NAV3: variants seen among roughly 807,000 people sequenced by gnomAD.
NAV3 encodes neuron navigator 3.
In NAV3, 87 loss-of-function variants were observed where a neutral mutation model predicts 244.7. The ratio of observed to expected loss-of-function variants is 0.36; its 90% CI spans 0.30 to 0.42. The LOEUF (loss-of-function observed/expected upper bound fraction) is 0.42. Ranked by LOEUF, NAV3 falls within the 20% of genes least tolerant of loss-of-function variation. NAV3 has a pLI of 1.00. For synonymous variants in NAV3, 1,126 were observed against 1,042.2 expected (o/e 1.08, Z -1.55); for missense variants, 2,663 against 2,893.3 (o/e 0.92, Z 1.83).
At chr12:78,047,147 G>A (rs999683727) in intron 9 of NAV3, among the ~76,000 whole-genome samples, 2 of 151,908 alleles carry the variant, frequency 1.3e-5, no homozygotes, top group African/African-American at 2.4e-5. Context: ...AGCTTATGAA[G>A]CTTAGTTTGG....
intron 34 of NAV3, among the ~76,000 whole-genome samples, chr12:78,196,922 A>G (rs1172200540): frequency 6.6e-6 from 1 of 151,998 alleles, no homozygotes; most frequent in Non-Finnish European, 1.5e-5. Context: ...ATAAGAGTTC[A>G]TATCCAGAAC....
intron 2 of NAV3, among the ~76,000 whole-genome samples, chr12:77,580,757 C>T (rs1309915917): frequency 2.0e-5 from 3 of 152,092 alleles, no homozygotes; most frequent in African/African-American, 7.2e-5. Flanking sequence ...TTTATCTTTA[C>T]CATTTCCAAA....
chr12:77,994,953 T>A, intron 6 of NAV3, 82 bp downstream of exon 6: 1 of 1,007,368 alleles, frequency 9.9e-7, no homozygotes, highest in South Asian at 1.5e-5. Flanking sequence ...TCTTTTTTTT[T>A]TAATGATGCA....
intron 12 of NAV3, among the ~76,000 whole-genome samples, chr12:78,063,817 T>C (rs906334188): frequency 6.6e-6 from 1 of 152,064 alleles, no homozygotes; most frequent in African/African-American, 2.4e-5. Flanking sequence ...ATAGAAGAGT[T>C]TGGTGTGAGG....
chr12:78,169,500 A>T (rs1957916073), intron 24 of NAV3, among the ~76,000 whole-genome samples: 1 of 151,554 alleles, frequency 6.6e-6, no homozygotes, highest in Non-Finnish European at 1.5e-5. Flanking sequence ...ATATCGTGTC[A>T]TTTTTTTCCT....
intron 1 of NAV3, among the ~76,000 whole-genome samples, chr12:77,934,001 G>C (rs1889078646): frequency 6.6e-6 from 1 of 152,068 alleles, no homozygotes; most frequent in African/African-American, 2.4e-5. Flanking sequence ...CTCTTTCTCT[G>C]TATAGTAGGA....
chr12:77,761,868 G>C (rs1209854454), intron 2 of NAV3, among the ~76,000 whole-genome samples: 1 of 152,194 alleles, frequency 6.6e-6, no homozygotes, highest in African/African-American at 2.4e-5. Flanking sequence ...AGACAGGATG[G>C]TGATTCCTCA....
At chr12:77,769,516 C>G (rs7313902) in intron 2 of NAV3, among the ~76,000 whole-genome samples, 143,676 of 152,292 alleles carry the variant, frequency 0.94, 68,379 homozygotes, top group East Asian at 1. Context: ...TAAGCTTTCT[C>G]TATACATTTT....
At chr12:78,034,728 C>T (rs1231791618) in intron 9 of NAV3, among the ~76,000 whole-genome samples, 1 of 152,040 alleles carries the variant, frequency 6.6e-6, no homozygotes, top group Non-Finnish European at 1.5e-5. Context: ...ACTATGGTCT[C>T]AGGACTTGGA....
At chr12:77,595,899 A>G (rs1870145756) in intron 2 of NAV3, among the ~76,000 whole-genome samples, 1 of 152,218 alleles carries the variant, frequency 6.6e-6, no homozygotes, top group South Asian at 2.1e-4. Context: ...GTTCTAATTA[A>G]ATCTATGACT....
At chr12:77,855,611 T>G (rs1375440369) in intron 1 of NAV3, among the ~76,000 whole-genome samples, 1 of 152,216 alleles carries the variant, frequency 6.6e-6, no homozygotes, top group Non-Finnish European at 1.5e-5. Context: ...CTTTGAGCAA[T>G]AGAATGCAGT....
intron 22 of NAV3, among the ~76,000 whole-genome samples, chr12:78,155,269 T>C (rs1957258328): frequency 6.6e-6 from 1 of 151,986 alleles, no homozygotes; most frequent in African/African-American, 2.4e-5. Flanking sequence ...TGAGAAGAAG[T>C]GGTGTTTGGT....
chr12:77,898,082 A>G lies in NAV3; in HGVS notation c.244-42237A>G, dbSNP rs569664402. ...TACAGATTATTTTTATTCACATTTT[A>G]TAGAAGAAAATGAGATGATTATGGA... is the stretch of plus-strand genomic sequence containing the variant. On this transcript the variant is annotated intron_variant, in intron 1 of 39. Coordinates refer to ENST00000397909, the MANE Select transcript of NAV3 (RefSeq NM_001024383.2). 6.6e-5 allele frequency among the ~76,000 whole-genome samples: 10 copies of G among 152,290 alleles called. No homozygotes were observed. In the East Asian group the frequency reaches 1.9e-3, roughly 29 times the overall value.
chr12:78,142,470 A>G (rs1956657772), intron 20 of NAV3, among the ~76,000 whole-genome samples: 1 of 151,880 alleles, frequency 6.6e-6, no homozygotes, highest in East Asian at 1.9e-4. Flanking sequence ...ATTTTAATTA[A>G]TTTACATTGA....
chr12:77,848,596 T>C (rs911997375), intron 1 of NAV3, among the ~76,000 whole-genome samples: 6 of 152,224 alleles, frequency 3.9e-5, no homozygotes, highest in Non-Finnish European at 7.3e-5. Context: ...ATAGTCAAGT[T>C]GGAGACACAC....
chr12:78,104,880 T>C (rs1160257655), intron 12 of NAV3, among the ~76,000 whole-genome samples: 1 of 152,150 alleles, frequency 6.6e-6, no homozygotes, highest in African/African-American at 2.4e-5. Flanking sequence ...CTTAATGCGC[T>C]TGAAATTAAT....
chr12:77,702,700 A>T (rs190554738), intron 2 of NAV3, among the ~76,000 whole-genome samples: 71 of 151,900 alleles, frequency 4.7e-4, no homozygotes, highest in Non-Finnish European at 7.2e-4. Context: ...TTTTCTACTT[A>T]CCCCTGTTCT....
intron 12 of NAV3, among the ~76,000 whole-genome samples, chr12:78,067,990 GGAGGAGGAA>G (rs1885225312): frequency 1.3e-5 from 2 of 151,860 alleles, no homozygotes; most frequent in African/African-American, 4.8e-5. Context: ...GGAGAAAAGA[GGAGGAGGAA>G]GAGGAGGAAT....
At chr12:78,151,716 C>T (rs1370836003) in intron 22 of NAV3, among the ~76,000 whole-genome samples, 1 of 151,716 alleles carries the variant, frequency 6.6e-6, no homozygotes, top group African/African-American at 2.4e-5. Flanking sequence ...CATGAATCCA[C>T]ATATGTCAAT....
Sources: gnomAD v4.1 joint callset for allele counts (sites outside exome capture counted in the v4.1 genomes callset) on GRCh38, gnomAD v4.1.1 for gene constraint, MANE v1.5 for transcripts, NCBI Gene and HGNC (gene_info 2026-07-23, HGNC 2026-07-21) for gene names.